The following XNDC1N variants were observed in gnomAD, a reference collection of about 807,000 sequenced individuals.
XNDC1N encodes the protein protein XNDC1N.
the XNDC1N span, among the ~76,000 whole-genome samples, chr11:71,914,059 C>T: frequency 1.3e-5 from 2 of 152,202 alleles, no homozygotes. Context: ...GTACAAGGAG[C>T]TTAATGTTGT....
At chr11:71,919,899 G>A in the XNDC1N span, among the ~76,000 whole-genome samples, 105 of 135,970 alleles carry the variant, frequency 7.7e-4, no homozygotes, top group African/African-American at 2.7e-3. Flanking sequence ...TTACAGGCGT[G>A]AGCCACCGCG....
chr11:71,892,816 G>C, the XNDC1N span, among the ~76,000 whole-genome samples: 8 of 152,184 alleles, frequency 5.3e-5, no homozygotes, highest in Admixed American at 1.3e-4. Flanking sequence ...CCATGGTACT[G>C]GGCCAAAAGT....
the XNDC1N span, among the ~76,000 whole-genome samples, chr11:71,890,553 G>A: frequency 1.3e-5 from 2 of 152,050 alleles, no homozygotes. Context: ...ATATTGGTAT[G>A]AATACTATCC....
At chr11:71,908,938 C>T in the XNDC1N span, among the ~76,000 whole-genome samples, 3 of 152,180 alleles carry the variant, frequency 2.0e-5, no homozygotes, top group South Asian at 4.1e-4. Context: ...GACAGAGAAG[C>T]TCTCCTGGAA....
chr11:71,905,324 C>T, the XNDC1N span, among the ~76,000 whole-genome samples: 29 of 151,806 alleles, frequency 1.9e-4, no homozygotes, highest in African/African-American at 5.1e-4. Flanking sequence ...GTAAGCTCTT[C>T]CTAGGATAAC....
At chr11:71,873,813 G>GT in the XNDC1N span, among the ~76,000 whole-genome samples, 3 of 152,112 alleles carry the variant, frequency 2.0e-5, no homozygotes, top group Non-Finnish European at 4.4e-5. Context: ...ATTCTATGTA[G>GT]TTTTTTTAAA....
At chr11:71,903,356 C>T in the XNDC1N span, 3 of 1,463,074 alleles carry the variant, frequency 2.1e-6, no homozygotes, top group Non-Finnish European at 2.9e-6. Context: ...CTCCCACCTC[C>T]ACACCCCATG....
At chr11:71,889,818 C>A in the XNDC1N span, among the ~76,000 whole-genome samples, 1 of 152,224 alleles carries the variant, frequency 6.6e-6, no homozygotes, top group African/African-American at 2.4e-5. Flanking sequence ...GTGGAGGTAA[C>A]AAGTATGTAG....
the XNDC1N span, among the ~76,000 whole-genome samples, chr11:71,905,088 A>T: frequency 1.3e-5 from 2 of 152,058 alleles, no homozygotes; most frequent in Non-Finnish European, 2.9e-5. Flanking sequence ...CCGTGATATT[A>T]GGAGTCCCAT....
chr11:71,878,314 A>T, the XNDC1N span: 1 of 859,822 alleles, frequency 1.2e-6, no homozygotes, highest in Non-Finnish European at 1.8e-6. Context: ...ATAAAATCTC[A>T]TTGAAACACA....
At chr11:71,910,215 T>G in the XNDC1N span, among the ~76,000 whole-genome samples, 1 of 152,184 alleles carries the variant, frequency 6.6e-6, no homozygotes, top group African/African-American at 2.4e-5. Context: ...GGTTCAGGAT[T>G]TGCGCTTGCT....
At chr11:71,914,663 A>C in the XNDC1N span, among the ~76,000 whole-genome samples, 1 of 151,434 alleles carries the variant, frequency 6.6e-6, no homozygotes, top group Non-Finnish European at 1.5e-5. Context: ...CTCCAGTCCT[A>C]GGTGACAGAG....
the XNDC1N span, among the ~76,000 whole-genome samples, chr11:71,873,434 T>A: frequency 6.6e-6 from 1 of 152,236 alleles, no homozygotes; most frequent in Non-Finnish European, 1.5e-5. Context: ...TATCTTATTG[T>A]TATTGATTTC....
chr11:71,902,939 A>C, the XNDC1N span, among the ~76,000 whole-genome samples: 1 of 152,214 alleles, frequency 6.6e-6, no homozygotes, highest in Non-Finnish European at 1.5e-5. Flanking sequence ...AACGTTCTTG[A>C]AGCTAGTGTC....
the XNDC1N span, among the ~76,000 whole-genome samples, chr11:71,899,912 A>C: frequency 2.0e-5 from 3 of 152,262 alleles, no homozygotes; most frequent in Admixed American, 1.3e-4. Context: ...TCTCGGTATA[A>C]AACCCGATTG....
At chr11:71,928,518 G>T in the XNDC1N span, 17 of 702,480 alleles carry the variant, frequency 2.4e-5, no homozygotes, top group African/African-American at 5.2e-5. Context: ...GGGGCTTCAA[G>T]AAGCTGCTGT....
chr11:71,891,606 C>G, the XNDC1N span, among the ~76,000 whole-genome samples: 1 of 152,224 alleles, frequency 6.6e-6, no homozygotes, highest in South Asian at 2.1e-4. Context: ...ACACTGTTGA[C>G]AGCAATATCA....
chr11:71,908,273 G>C, the XNDC1N span, among the ~76,000 whole-genome samples: 1 of 151,630 alleles, frequency 6.6e-6, no homozygotes, highest in African/African-American at 2.4e-5. Flanking sequence ...TAATATGACT[G>C]TTTTCTAATG....
chr11:71,891,275 A>C, the XNDC1N span, among the ~76,000 whole-genome samples: 1 of 151,594 alleles, frequency 6.6e-6, no homozygotes, highest in Admixed American at 6.6e-5. Flanking sequence ...GAAGAGGATC[A>C]CAGGGCTGTG....
Sources: gnomAD v4.1 joint callset for allele counts (sites outside exome capture counted in the v4.1 genomes callset) on GRCh38, gnomAD v4.1.1 for gene constraint, MANE v1.5 for transcripts, NCBI Gene and HGNC (gene_info 2026-07-23, HGNC 2026-07-21) for gene names.